FAM240A: variants seen among roughly 807,000 people sequenced by gnomAD.
FAM240A encodes the protein protein FAM240A.
FAM240A carries 8 observed loss-of-function variants against 7.3 expected under a neutral mutation model. That is an observed-to-expected ratio of 1.09 (90% CI 0.64 to 1.97). FAM240A has a LOEUF of 1.97. Ranked by LOEUF, FAM240A falls within the 30% of genes most tolerant of loss-of-function variation. The probability of loss-of-function intolerance (pLI) is 0.00; values close to 1 mark genes in which losing one functional copy is unlikely to be tolerated. For synonymous variants in FAM240A, 32 were observed against 35.9 expected, an observed-to-expected ratio of 0.89 and a Z score of 0.38; for missense variants, 90 against 102.2, an observed-to-expected ratio of 0.88 and a Z score of 0.52.
rs192399861 is a variant in FAM240A, at chr3:46,619,424, G to A, written c.161+2096G>A. ...GGATGCTGGAGAGTTACTGCCCTTT[G>A]AGTGTGGGCAGAGGGAGTGCAGACT... On this transcript the variant is annotated intron_variant, in intron 2 of 2. Transcript: ENST00000640551. 2.6e-5 allele frequency among the ~76,000 whole-genome samples: 4 copies of A among 152,298 alleles called. No individual in the cohort carries two copies. The East Asian group carries it at 5.8e-4, about 22-fold the overall frequency.
intron 1 of FAM240A, among the ~76,000 whole-genome samples, chr3:46,616,099 G>A (rs1429806792): frequency 2.0e-5 from 3 of 152,214 alleles, no homozygotes; most frequent in Admixed American, 6.5e-5. Context: ...GTTGAGAAAC[G>A]ATTCTTCTGT....
chr3:46,618,035 TC>T (rs1222330504), intron 2 of FAM240A, among the ~76,000 whole-genome samples: 4 of 152,106 alleles, frequency 2.6e-5, no homozygotes, highest in African/African-American at 9.7e-5. Context: ...CTCTGTCCCC[TC>T]AAAAGGAACA....
At chr3:46,622,061 G>A (rs1697702857) in intron 2 of FAM240A, among the ~76,000 whole-genome samples, 1 of 148,510 alleles carries the variant, frequency 6.7e-6, no homozygotes, top group African/African-American at 2.5e-5. Context: ...TTCTTTTGCA[G>A]AGATGTTCTC....
chr3:46,623,906 T>C lies in FAM240A; in HGVS notation c.162-1222T>C, dbSNP rs566038829. Among the ~76,000 whole-genome samples the C allele has an allele frequency of 6.6e-5, 10 of 152,350 alleles. No individual in the cohort carries two copies. In the South Asian group the frequency reaches 2.1e-3, roughly 32 times the overall value. On this transcript the variant is annotated intron_variant, in intron 2 of 2. Transcript: ENST00000640551. ...ATGATTTGTTTTAAATCTACCATCG[T>C]GCTATGTGTCCTCTATTTCTCTCAT...
chr3:46,620,059 TG>T lies in FAM240A; in HGVS notation c.161+2733del, dbSNP rs139503759. Among the ~76,000 whole-genome samples the T allele has an allele frequency of 1.8e-3, 273 of 152,164 alleles. 1 individual carries two copies. The highest frequency in any genetic ancestry group is 6.1e-3 in the African/African-American group (254 of 41,518). ...TTGGCCCAGCACTCACTCCCATTCC[TG>T]GCTTCCTTGCCAGGCTGATCTCCTT... is the stretch of plus-strand genomic sequence containing the variant. On this transcript the variant is annotated intron_variant, in intron 2 of 2. Transcript: ENST00000640551.
At chr3:46,618,768 A>G (rs541619383) in intron 2 of FAM240A, among the ~76,000 whole-genome samples, 2 of 151,854 alleles carry the variant, frequency 1.3e-5, no homozygotes, top group Non-Finnish European at 2.9e-5. Flanking sequence ...TGAACCCGGG[A>G]GGCAGAGGTT....
rs1341396201 is a variant in FAM240A, at chr3:46,625,843, T to C, written c.*625T>C. 6.6e-6 allele frequency: 1 copy of C among 152,230 alleles called. No individual in the cohort carries two copies. Among genetic ancestry groups the C allele is most frequent in the Non-Finnish European group, 1.5e-5 (1 of 68,028 alleles). 9.4% of individuals were successfully genotyped at this position (152,230 alleles called of 1,614,324 possible). On this transcript the variant is annotated 3_prime_UTR_variant, in exon 3 of 3. Transcript: ENST00000640551. ...AAACTTGGTTGTCCTGTCATCACTA[T>C]GCACATGCCTTCATTTTATTGCTTT...
In FAM240A at chr3:46,625,257, C is replaced by A; in HGVS notation, c.*39C>A. On this transcript the variant is annotated 3_prime_UTR_variant, in exon 3 of 3. Transcript: ENST00000640551. ...CATTGACACAAGAAGATGCAAAACA[C>A]TGAGGTCACTTTGCTAGAAGTCAGT... The A allele has an allele frequency of 7.0e-7, 1 of 1,434,106 alleles. No homozygotes were observed. The highest frequency in any genetic ancestry group is 9.4e-7 in the Non-Finnish European group (1 of 1,059,796). The allele number at this position is 1,434,106 out of a possible 1,614,324, so 88.8% of individuals were successfully genotyped here.
At chr3:46,616,820 C>T (rs1697635120) in intron 1 of FAM240A, among the ~76,000 whole-genome samples, 1 of 152,126 alleles carries the variant, frequency 6.6e-6, no homozygotes, top group African/African-American at 2.4e-5. Flanking sequence ...GATAAACAAA[C>T]ACATTCAGGT....
At chr3:46,614,630 G>T (rs1697607871) in intron 1 of FAM240A, among the ~76,000 whole-genome samples, 1 of 152,196 alleles carries the variant, frequency 6.6e-6, no homozygotes, top group Non-Finnish European at 1.5e-5. Flanking sequence ...GCATGGTGAG[G>T]CTTATCTCTG....
At chr3:46,616,154 G>T (rs1284445826) in intron 1 of FAM240A, among the ~76,000 whole-genome samples, 2 of 152,212 alleles carry the variant, frequency 1.3e-5, no homozygotes, top group African/African-American at 4.8e-5. Context: ...GCCAGCTTGT[G>T]GAAGGTCTGC....
At chr3:46,613,491 C>CTAAATAAATAAA (rs148622433) in intron 1 of FAM240A, among the ~76,000 whole-genome samples, 90,702 of 137,530 alleles carry the variant, frequency 0.66, 30,706 homozygotes, top group East Asian at 0.83. Context: ...GAAACTCCTT[C>CTAAATAAATAAA]TAAATAAATA....
intron 1 of FAM240A, among the ~76,000 whole-genome samples, chr3:46,614,256 C>T (rs552593916): frequency 4.6e-5 from 7 of 152,192 alleles, no homozygotes; most frequent in Admixed American, 1.3e-4. Flanking sequence ...TCTGCCTTAT[C>T]TTTTCCTAAA....
intron 2 of FAM240A, among the ~76,000 whole-genome samples, chr3:46,621,412 T>C (rs935492799): frequency 7.9e-5 from 12 of 152,216 alleles, no homozygotes; most frequent in African/African-American, 2.7e-4. Flanking sequence ...TATATATCTT[T>C]TTTCCGTTTT....
At chr3:46,613,147 T>C (rs1466595595) in intron 1 of FAM240A, among the ~76,000 whole-genome samples, 1 of 152,214 alleles carries the variant, frequency 6.6e-6, no homozygotes, top group Non-Finnish European at 1.5e-5. Context: ...TCATATAAAA[T>C]GTAGAGTTTG....
At chr3:46,618,459 G>A (rs1398084949) in intron 2 of FAM240A, among the ~76,000 whole-genome samples, 3 of 152,208 alleles carry the variant, frequency 2.0e-5, no homozygotes, top group Non-Finnish European at 4.4e-5. Context: ...GGAAGATGCA[G>A]AAACCAAAGG....
chr3:46,617,475 T>A (rs1009874256), intron 2 of FAM240A, 147 bp downstream of exon 2: 46 of 572,090 alleles, frequency 8.0e-5, no homozygotes, highest in Admixed American at 3.1e-4. Context: ...ACTGTCAACA[T>A]CTGCACCAGT....
At chr3:46,615,850 G>GCGCACACACACACA (rs137999277) in intron 1 of FAM240A, among the ~76,000 whole-genome samples, 5 of 150,232 alleles carry the variant, frequency 3.3e-5, no homozygotes, top group African/African-American at 7.3e-5. Context: ...ATGTGTGCAC[G>GCGCACACACACACA]CACACACACA....
chr3:46,615,187 G>A (rs1697613906), intron 1 of FAM240A, among the ~76,000 whole-genome samples: 1 of 152,124 alleles, frequency 6.6e-6, no homozygotes, highest in Non-Finnish European at 1.5e-5. Context: ...GTCCCGGTCT[G>A]TCTTTCTGAG....
Sources: allele counts gnomAD v4.1 joint callset (sites outside exome capture counted in the v4.1 genomes callset), GRCh38; gene constraint gnomAD v4.1.1; transcripts MANE v1.5; gene names NCBI Gene and HGNC (gene_info 2026-07-23, HGNC 2026-07-21).